The following RFX2 variants were observed in gnomAD, a reference collection of about 807,000 sequenced individuals.
RFX2 encodes regulatory factor X2.
RFX2 carries 20 observed loss-of-function variants against 87.8 expected under a neutral mutation model. The observed-to-expected ratio is 0.23, with a 90% confidence interval of 0.16 to 0.33. The LOEUF (loss-of-function observed/expected upper bound fraction) is 0.33. Among genes scored for constraint, RFX2 ranks in the 10% least tolerant of loss-of-function variants. The probability of loss-of-function intolerance (pLI) is 1.00; values close to 1 mark genes in which losing one functional copy is unlikely to be tolerated. For synonymous variants in RFX2, 397 were observed against 431.3 expected (o/e 0.92, Z 0.98); for missense variants, 767 against 1,012.3 (o/e 0.76, Z 3.29).
chr19:6,054,928 G>T (rs1279351396), intron 1 of RFX2, among the ~76,000 whole-genome samples: 1 of 152,148 alleles, frequency 6.6e-6, no homozygotes, highest in Non-Finnish European at 1.5e-5. Flanking sequence ...GTAAGCCACA[G>T]CCTGGGAGAA....
intron 1 of RFX2, among the ~76,000 whole-genome samples, chr19:6,104,329 G>T (rs1463941244): frequency 6.6e-6 from 1 of 151,966 alleles, no homozygotes; most frequent in Non-Finnish European, 1.5e-5. Flanking sequence ...CAGCACTTTG[G>T]GAGGCTGAGG....
chr19:6,067,393 C>G (rs1414960518), intron 1 of RFX2, among the ~76,000 whole-genome samples: 1 of 152,156 alleles, frequency 6.6e-6, no homozygotes, highest in East Asian at 1.9e-4. Flanking sequence ...GAGGGACTTA[C>G]AGTATATCTT....
chr19:6,004,985 G>A lies in RFX2; in HGVS notation c.1403-687C>T, dbSNP rs184669081. On this transcript the variant is annotated intron_variant, in intron 12 of 17. Transcript: ENST00000303657. The surrounding 1 kb of genome is among the most constrained non-coding windows in gnomAD (Gnocchi z 4.8). ...AATACAAAAATGATCTGGACGTGGC[G>A]GTGGGTGCCTGTAGTCCCAGCTATT... is the stretch of plus-strand genomic sequence containing the variant. Among the ~76,000 whole-genome samples the A allele has an allele frequency of 4.1e-4, 63 of 152,030 alleles. No individual in the cohort carries two copies. The highest frequency in any genetic ancestry group is 7.7e-4 in the East Asian group (4 of 5,168).
Position 6,016,005 on chromosome 19 carries a change from AG to A in RFX2, c.779+84del. On this transcript the variant is annotated intron_variant, in intron 7 of 17. Coordinates refer to ENST00000303657, the MANE Select transcript of RFX2 (RefSeq NM_000635.4). The surrounding 1 kb of genome is among the most constrained non-coding windows in gnomAD (Gnocchi z 5.4). The stretch of plus-strand genomic sequence containing the variant: ...CTGCGAATCAGGCCACCTGGAAAGG[AG>A]GAGGAAGCCTCGCATTTTCCCAAAA... 1.5e-6 allele frequency: 2 copies of A among 1,336,990 alleles called. No individual in the cohort carries two copies. The allele number at this position is 1,336,990 out of a possible 1,614,324, so 82.8% of individuals were successfully genotyped here.
rs997265030 is a variant in RFX2 at position 6,056,911 on chromosome 19, C to T, written c.-8-9407G>A. The stretch of plus-strand genomic sequence containing the variant: ...CAACACGACCTGTCACCCAGCCTGG[C>T]CCTGCCTGGCCAACGGGCTTGGCTG... On this transcript the variant is annotated intron_variant, in intron 1 of 17. Coordinates refer to ENST00000303657, the MANE Select transcript of RFX2 (RefSeq NM_000635.4). The surrounding 1 kb of genome is among the most constrained non-coding windows in gnomAD (Gnocchi z 4.6). 6.6e-6 allele frequency among the ~76,000 whole-genome samples: 1 copy of T among 152,224 alleles called. No homozygotes were observed. Among genetic ancestry groups the T allele is most frequent in the Non-Finnish European group, 1.5e-5 (1 of 68,046 alleles).
Position 6,001,654 on chromosome 19 carries a change from G to GC in RFX2, c.1859+160dup, listed in dbSNP as rs1312300710. Among the ~76,000 whole-genome samples the GC allele has an allele frequency of 1.3e-5, 2 of 152,098 alleles. No homozygotes were observed. The highest frequency in any genetic ancestry group is 2.4e-5 in the African/African-American group (1 of 41,400). ...CTGGGAGCCGCTGGTCATGAGTGAGGCCCCCAGCCAGGTAGTTGTTTTTTG... is the reference window on the plus strand; with the variant it reads ...CTGGGAGCCGCTGGTCATGAGTGAGGCCCCCCAGCCAGGTAGTTGTTTTTTG... On this transcript the variant is annotated intron_variant, in intron 15 of 17. Transcript: ENST00000303657. The surrounding 1 kb of genome is among the most constrained non-coding windows in gnomAD (Gnocchi z 5.6).
intron 12 of RFX2, among the ~76,000 whole-genome samples, chr19:6,006,218 T>A (rs1462347860): frequency 6.6e-6 from 1 of 152,118 alleles, no homozygotes; most frequent in Non-Finnish European, 1.5e-5. Flanking sequence ...TGGAGTGCAG[T>A]GGTGCGATCA....
chr19:6,008,072 C>A, intron 10 of RFX2, 34 bp downstream of exon 10: 1 of 1,475,956 alleles, frequency 6.8e-7, no homozygotes, highest in Non-Finnish European at 9.3e-7. Context: ...GGGAGGGACA[C>A]GCAGGAGCTG....
In RFX2 at chr19:6,026,496, G is replaced by A; in HGVS notation, c.523-259C>T. 1.8e-6 allele frequency: 1 copy of A among 547,942 alleles called. No homozygotes were observed. 33.9% of individuals were successfully genotyped at this position (547,942 alleles called of 1,614,324 possible). On this transcript the variant is annotated intron_variant, in intron 5 of 17. Transcript: ENST00000303657. The surrounding 1 kb of genome is among the most constrained non-coding windows in gnomAD (Gnocchi z 4.5). ...CAACAGAAGCAGCAGAAATCATGTT[G>A]TAAAAACTTGCTACTGAACTTTAAC...
In RFX2 at chr19:6,021,969, G is replaced by A. The variant is rs1446580617; in HGVS notation, c.597+4194C>T. Among the ~76,000 whole-genome samples the A allele has an allele frequency of 6.6e-6, 1 of 152,088 alleles. No individual in the cohort carries two copies. The highest frequency in any genetic ancestry group is 1.9e-4 in the East Asian group (1 of 5,174). The stretch of plus-strand genomic sequence containing the variant: ...GTAGTCGAAGTGGAGGAGGTGGGGG[G>A]TGCCACCTGGTTCTGGATCTTTCTT... On this transcript the variant is annotated intron_variant, in intron 6 of 17. Transcript: ENST00000303657. The surrounding 1 kb of genome is among the most constrained non-coding windows in gnomAD (Gnocchi z 5.7).
chr19:6,098,456 G>A (rs140479508), intron 1 of RFX2, among the ~76,000 whole-genome samples: 11 of 152,206 alleles, frequency 7.2e-5, no homozygotes, highest in East Asian at 1.9e-4. Context: ...GTCCAAGTTC[G>A]TCAGAGCCAC....
chr19:6,106,112 G>A (rs1167510149), intron 1 of RFX2, among the ~76,000 whole-genome samples: 1 of 152,058 alleles, frequency 6.6e-6, no homozygotes, highest in African/African-American at 2.4e-5. Flanking sequence ...TTCATTCTGG[G>A]TCTTCCCCTA....
In RFX2 at chr19:5,998,604, C is replaced by T. The variant is rs372680141; in HGVS notation, c.1860-1391G>A. The stretch of plus-strand genomic sequence containing the variant: ...AGCCCCCAGCCCCCTCCTGTTCCTC[C>T]GGGCCCACCCAGGTTGGCTTCCAAG... On this transcript the variant is annotated intron_variant, in intron 15 of 17. Transcript: ENST00000303657. This position sits in a 1 kb window ranked among gnomAD's most constrained non-coding sequence, Gnocchi z 4.2. Among the ~76,000 whole-genome samples the T allele has an allele frequency of 1.7e-4, 26 of 152,344 alleles. No homozygotes were observed. Among genetic ancestry groups the T allele is most frequent in the African/African-American group, 5.3e-4 (22 of 41,584 alleles).
intron 6 of RFX2, among the ~76,000 whole-genome samples, chr19:6,025,719 G>C (rs2086878802): frequency 6.6e-6 from 1 of 151,260 alleles, no homozygotes; most frequent in Non-Finnish European, 1.5e-5. Flanking sequence ...TAGGATTCTA[G>C]ATTGGCTTCC....
intron 1 of RFX2, among the ~76,000 whole-genome samples, chr19:6,103,741 T>C (rs75202937): frequency 1.3e-5 from 2 of 152,154 alleles, no homozygotes; most frequent in East Asian, 1.9e-4. Flanking sequence ...TTAGTACCCA[T>C]GAGTTTCTAG....
rs1189098449 is a variant in RFX2 at position 6,024,178 on chromosome 19, C to T, written c.597+1985G>A. Among the ~76,000 whole-genome samples the T allele has an allele frequency of 1.3e-5, 2 of 152,234 alleles. No individual in the cohort carries two copies. Among genetic ancestry groups the T allele is most frequent in the African/African-American group, 2.4e-5 (1 of 41,458 alleles). On this transcript the variant is annotated intron_variant, in intron 6 of 17. Transcript: ENST00000303657. The surrounding 1 kb of genome is among the most constrained non-coding windows in gnomAD (Gnocchi z 5.0). ...GGTCACGCAGCCCTCTCGCCCAGGG[C>T]TGATACCCTGGACCCGCATGGGTTT...
At chr19:6,041,318 C>T (rs1568520491) in intron 4 of RFX2, among the ~76,000 whole-genome samples, 1 of 152,146 alleles carries the variant, frequency 6.6e-6, no homozygotes, top group South Asian at 2.1e-4. Flanking sequence ...TCATGTACAG[C>T]CCCTGCACTT....
intron 1 of RFX2, among the ~76,000 whole-genome samples, chr19:6,065,652 C>T (rs1220468676): frequency 1.3e-5 from 2 of 152,116 alleles, no homozygotes; most frequent in East Asian, 1.9e-4. Context: ...TAAGTTTCTG[C>T]TGCAAAAGAA....
rs2086538089 is a variant in RFX2, at chr19:6,004,058, T to G, written c.1500+143A>C. ...CACTGACGCGTCACCGGCAGTGTGC[T>G]CAGGGCTTCCTGAAGGGATCGGTTA... On this transcript the variant is annotated intron_variant, in intron 13 of 17. Coordinates refer to ENST00000303657, the MANE Select transcript of RFX2 (RefSeq NM_000635.4). This position sits in a 1 kb window ranked among gnomAD's most constrained non-coding sequence, Gnocchi z 4.8. The G allele has an allele frequency of 4.4e-6, 3 of 687,850 alleles. No individual in the cohort carries two copies. The allele number at this position is 687,850 out of a possible 1,614,324, so 42.6% of individuals were successfully genotyped here.
Sources: gnomAD v4.1 joint callset for allele counts (sites outside exome capture counted in the v4.1 genomes callset) on GRCh38, gnomAD v4.1.1 for gene constraint, Gnocchi (gnomAD v3.1) non-coding constraint, MANE v1.5 for transcripts, NCBI Gene and HGNC (gene_info 2026-07-23, HGNC 2026-07-21) for gene names.